The following CDH4 variants were observed in gnomAD, a reference collection of about 807,000 sequenced individuals.
CDH4 encodes cadherin 4.
A neutral mutation model predicts 86.0 loss-of-function variants in CDH4; 33 were observed. The observed-to-expected ratio is 0.38, with a 90% CI of 0.29 to 0.51. The LOEUF (loss-of-function observed/expected upper bound fraction) is 0.51, where lower values mean the gene tolerates loss of function less well. Ranked by LOEUF, CDH4 falls within the 20% of genes least tolerant of loss-of-function variation. The pLI, the probability that CDH4 is intolerant of heterozygous loss-of-function variation, is 0.86. For missense variants in CDH4, 1,114 were observed against 1,307.4 expected (o/e 0.85, Z 2.28); for synonymous variants, 555 against 549.4 (o/e 1.01, Z -0.14).
chr20:61,695,531 G>T (rs910271186), intron 2 of CDH4, among the ~76,000 whole-genome samples: 1 of 152,186 alleles, frequency 6.6e-6, no homozygotes, highest in East Asian at 1.9e-4. Flanking sequence ...GGCATGTCTC[G>T]CTCTGGGTCT....
chr20:61,576,550 C>T (rs116150439), intron 2 of CDH4, among the ~76,000 whole-genome samples: 4,452 of 152,260 alleles, frequency 0.029, 203 homozygotes, highest in African/African-American at 0.092. Context: ...ACTGCATCCC[C>T]TCCCTGACCG....
At chr20:61,696,057 C>T (rs2087711852) in intron 2 of CDH4, among the ~76,000 whole-genome samples, 1 of 152,210 alleles carries the variant, frequency 6.6e-6, no homozygotes, top group African/African-American at 2.4e-5. Context: ...GTCTGTCCCA[C>T]CTGCGTTTCC....
chr20:61,890,829 C>T (rs1416537306), intron 7 of CDH4, among the ~76,000 whole-genome samples: 3 of 152,074 alleles, frequency 2.0e-5, no homozygotes, highest in Non-Finnish European at 2.9e-5. Context: ...CCTCAACAGA[C>T]ACCGATTACC....
chr20:61,819,477 G>A (rs933115591), intron 4 of CDH4, among the ~76,000 whole-genome samples: 8 of 152,270 alleles, frequency 5.3e-5, no homozygotes, highest in South Asian at 2.1e-4. Flanking sequence ...GATTTTCCAC[G>A]TCTCCCCAAA....
intron 4 of CDH4, among the ~76,000 whole-genome samples, chr20:61,838,536 G>A (rs1232849770): frequency 6.6e-6 from 1 of 152,132 alleles, no homozygotes; most frequent in Non-Finnish European, 1.5e-5. Context: ...TCTCGGCCAG[G>A]CACGGTGGCT....
intron 2 of CDH4, among the ~76,000 whole-genome samples, chr20:61,680,568 G>A (rs916960148): frequency 3.9e-5 from 6 of 152,188 alleles, no homozygotes; most frequent in Non-Finnish European, 7.3e-5. Flanking sequence ...AGGAGTGGGG[G>A]AAGGGCGGGG....
At chr20:61,763,899 T>C (rs2088668346) in intron 3 of CDH4, among the ~76,000 whole-genome samples, 1 of 152,252 alleles carries the variant, frequency 6.6e-6, no homozygotes, top group Admixed American at 6.5e-5. Flanking sequence ...ATGATTATAT[T>C]CTTTCCTTAA....
intron 4 of CDH4, among the ~76,000 whole-genome samples, chr20:61,792,901 G>A (rs989964151): frequency 3.3e-5 from 5 of 152,044 alleles, no homozygotes; most frequent in South Asian, 2.1e-4. Flanking sequence ...CACCCGCCTC[G>A]GCCTCCCAAA....
intron 5 of CDH4, among the ~76,000 whole-genome samples, chr20:61,847,403 C>T (rs1982507513): frequency 6.6e-6 from 1 of 152,162 alleles, no homozygotes; most frequent in African/African-American, 2.4e-5. Flanking sequence ...GGTCACCCAC[C>T]CCTCTATGAT....
At chr20:61,866,682 G>C (rs1288330564) in intron 6 of CDH4, among the ~76,000 whole-genome samples, 1 of 152,230 alleles carries the variant, frequency 6.6e-6, no homozygotes, top group African/African-American at 2.4e-5. Flanking sequence ...TGTTGGGTGT[G>C]AGACGGTCAG....
intron 6 of CDH4, among the ~76,000 whole-genome samples, chr20:61,867,971 C>A (rs1248281095): frequency 6.6e-6 from 1 of 152,220 alleles, no homozygotes; most frequent in Admixed American, 6.5e-5. Flanking sequence ...AAAACTCCAC[C>A]ACATGGAAAT....
At chr20:61,325,465 G>A (rs2084531958) in intron 2 of CDH4, among the ~76,000 whole-genome samples, 1 of 151,998 alleles carries the variant, frequency 6.6e-6, no homozygotes, top group African/African-American at 2.4e-5. Context: ...GAGAAGTAAA[G>A]ACTGCATTTC....
rs114951273 is a variant in CDH4, at chr20:61,754,138, C to T, written c.396+10349C>T. Among the ~76,000 whole-genome samples, 561 of 152,262 alleles carry T rather than the reference C, an allele frequency of 3.7e-3. 5 individuals carry two copies. Among genetic ancestry groups the T allele is most frequent in the African/African-American group, 0.012 (516 of 41,548 alleles). On this transcript the variant is annotated intron_variant, in intron 3 of 15. Transcript: ENST00000614565. The surrounding 1 kb of genome is among the most constrained non-coding windows in gnomAD (Gnocchi z 4.7). ...AGGAGAGACGCCCAGAGCAGATTCT[C>T]CTGCACAGCCTCCCAGGGACCAGTG...
chr20:61,459,932 C>A (rs950559581), intron 2 of CDH4, among the ~76,000 whole-genome samples: 2 of 151,918 alleles, frequency 1.3e-5, no homozygotes, highest in African/African-American at 4.8e-5. Context: ...GATAAAGCTC[C>A]GCAAGCTGAC....
In CDH4 at chr20:61,582,748, C is replaced by T. The variant is rs547627377; in HGVS notation, c.170-160815C>T. Among the ~76,000 whole-genome samples, 11 of 152,258 alleles carry T rather than the reference C, an allele frequency of 7.2e-5. No individual in the cohort carries two copies. Among genetic ancestry groups the T allele is most frequent in the African/African-American group, 1.9e-4 (8 of 41,552 alleles). On this transcript the variant is annotated intron_variant, in intron 2 of 15. Transcript: ENST00000614565. The surrounding 1 kb of genome is among the most constrained non-coding windows in gnomAD (Gnocchi z 4.2). ...CCAGATGTCCTGTTGGTGCCCAGCA[C>T]GCCTGCCCTTCGTTTCTTTAACAGT...
chr20:61,474,029 G>A (rs1410233019), intron 2 of CDH4, among the ~76,000 whole-genome samples: 2 of 152,036 alleles, frequency 1.3e-5, no homozygotes, highest in Non-Finnish European at 2.9e-5. Context: ...AGATGACTCT[G>A]GCTTACTGTA....
chr20:61,527,008 C>T (rs1007815403), intron 2 of CDH4, among the ~76,000 whole-genome samples: 1 of 152,262 alleles, frequency 6.6e-6, no homozygotes, highest in African/African-American at 2.4e-5. Context: ...GAGCCCCGCA[C>T]CGGGACCTTC....
At chr20:61,720,644 C>T (rs2088029897) in intron 2 of CDH4, among the ~76,000 whole-genome samples, 1 of 152,016 alleles carries the variant, frequency 6.6e-6, no homozygotes, top group East Asian at 1.9e-4. Context: ...CCTAAGCCAT[C>T]GTCTTGTGTC....
At chr20:61,279,471 G>A (rs1276382973) in intron 2 of CDH4, among the ~76,000 whole-genome samples, 1 of 151,938 alleles carries the variant, frequency 6.6e-6, no homozygotes, top group African/African-American at 2.4e-5. Context: ...TCTTTCTCCA[G>A]CAAGAGGCTC....
Sources: gnomAD v4.1 joint callset for allele counts (sites outside exome capture counted in the v4.1 genomes callset) on GRCh38, gnomAD v4.1.1 for gene constraint, Gnocchi (gnomAD v3.1) non-coding constraint, MANE v1.5 for transcripts, NCBI Gene and HGNC (gene_info 2026-07-23, HGNC 2026-07-21) for gene names.